SOBP: variants seen among roughly 807,000 people sequenced by gnomAD.
SOBP encodes sine oculis binding protein homolog.
A neutral mutation model predicts 53.6 loss-of-function variants in SOBP; 4 were observed. The observed-to-expected ratio is 0.07, with a 90% CI of 0.04 to 0.17. SOBP has a LOEUF of 0.17. Among genes scored for constraint, SOBP ranks in the 10% least tolerant of loss-of-function variants. The pLI, the probability that SOBP is intolerant of heterozygous loss-of-function variation, is 1.00. For missense variants in SOBP, 1,088 were observed against 1,204.7 expected (o/e 0.90, Z 1.43); for synonymous variants, 584 against 522.6 (o/e 1.12, Z -1.60).
intron 6 of SOBP, among the ~76,000 whole-genome samples, chr6:107,637,093 G>A (rs1771079587): frequency 6.6e-6 from 1 of 152,118 alleles, no homozygotes. Context: ...TGTCATAGGG[G>A]AAAGTTTCTT....
intron 1 of SOBP, among the ~76,000 whole-genome samples, chr6:107,500,396 GA>G (rs1180056118): frequency 6.6e-6 from 1 of 150,552 alleles, no homozygotes; most frequent in Non-Finnish European, 1.5e-5. Flanking sequence ...AAAAAAAAAG[GA>G]AAAGGAAAAA....
intron 5 of SOBP, among the ~76,000 whole-genome samples, chr6:107,625,405 C>T (rs927877365): frequency 1.3e-5 from 2 of 152,178 alleles, no homozygotes; most frequent in Non-Finnish European, 2.9e-5. Flanking sequence ...AAGTAAAGCC[C>T]ATAGCCAGGT....
At chr6:107,557,874 C>T (rs772981854) in intron 4 of SOBP, 1 of 152,160 alleles carries the variant, frequency 6.6e-6, no homozygotes, top group Non-Finnish European at 1.5e-5. Flanking sequence ...TTTTCCCATT[C>T]TACCAAGGAG....
chr6:107,635,372 G>T lies in SOBP; in HGVS notation c.2528G>T (p.Cys843Phe), dbSNP rs1294093411. 1.2e-6 allele frequency: 2 copies of T among 1,613,568 alleles called. No homozygotes were observed. Among genetic ancestry groups the T allele is most frequent in the South Asian group, 2.2e-5 (2 of 91,080 alleles). The change falls in exon 6 of 7, where the codon TGC (cysteine) becomes TTC (phenylalanine). Residue 843 changes from cysteine to phenylalanine, a missense_variant. Transcript: ENST00000317357. This position sits in a 1 kb window ranked among gnomAD's most constrained non-coding sequence, Gnocchi z 4.5. ...GCGGAGAAGGCTGCCATGGCACCGT[G>T]CATCATCTCCTCGCCCATGCTCAGC... ...KPAEKAAMAPCIISSPMLSAG... is the reference protein window; with the variant it reads ...KPAEKAAMAPFIISSPMLSAG...
intron 4 of SOBP, among the ~76,000 whole-genome samples, chr6:107,535,808 G>A (rs1193124823): frequency 6.6e-6 from 1 of 151,896 alleles, no homozygotes; most frequent in Non-Finnish European, 1.5e-5. Context: ...TTCATTTAGG[G>A]CTTGGGTTTC....
intron 5 of SOBP, among the ~76,000 whole-genome samples, chr6:107,594,921 C>T (rs1785890046): frequency 6.6e-6 from 1 of 152,240 alleles, no homozygotes; most frequent in Non-Finnish European, 1.5e-5. Context: ...TGACCACACA[C>T]CCATGCTTGT....
chr6:107,600,694 T>C (rs1786146752), intron 5 of SOBP, among the ~76,000 whole-genome samples: 1 of 152,186 alleles, frequency 6.6e-6, no homozygotes, highest in Non-Finnish European at 1.5e-5. Flanking sequence ...GCCATAATCA[T>C]CAGCTCTTTG....
intron 5 of SOBP, among the ~76,000 whole-genome samples, chr6:107,619,334 A>G (rs1483848928): frequency 6.6e-6 from 1 of 152,252 alleles, no homozygotes; most frequent in Non-Finnish European, 1.5e-5. Context: ...TAAAAATAAA[A>G]GAGTTCTGTT....
At chr6:107,509,472 C>A (rs1483759646) in intron 3 of SOBP, among the ~76,000 whole-genome samples, 4 of 151,674 alleles carry the variant, frequency 2.6e-5, no homozygotes, top group African/African-American at 9.7e-5. Flanking sequence ...CAAAACCAGA[C>A]CTTTTTTCTT....
intron 4 of SOBP, among the ~76,000 whole-genome samples, chr6:107,561,452 A>G (rs1784768446): frequency 2.0e-5 from 3 of 152,184 alleles, no homozygotes; most frequent in Admixed American, 2.0e-4. Flanking sequence ...GTGCTTGCAT[A>G]GATGGTTCCA....
chr6:107,503,426 CTTA>C (rs1782894951), intron 1 of SOBP, among the ~76,000 whole-genome samples: 2 of 151,910 alleles, frequency 1.3e-5, no homozygotes, highest in African/African-American at 4.8e-5. Context: ...TCTTTTTTGT[CTTA>C]TTATCTTTAA....
intron 5 of SOBP, among the ~76,000 whole-genome samples, chr6:107,612,594 T>A (rs1786639381): frequency 6.6e-6 from 1 of 152,192 alleles, no homozygotes. Context: ...AATTTTTTTT[T>A]AATGTTGTAG....
chr6:107,627,719 G>A (rs1444757574), intron 5 of SOBP, among the ~76,000 whole-genome samples: 7 of 152,188 alleles, frequency 4.6e-5, no homozygotes, highest in Non-Finnish European at 1.0e-4. Flanking sequence ...CCTGCAGAAA[G>A]TTTCTTGTTT....
At chr6:107,642,391 C>G (rs1317302022) in intron 6 of SOBP, among the ~76,000 whole-genome samples, 1 of 152,132 alleles carries the variant, frequency 6.6e-6, no homozygotes, top group African/African-American at 2.4e-5. Flanking sequence ...ATGACAATAA[C>G]AAAAACTTGG....
rs191721613 is a variant in SOBP at position 107,598,036 on chromosome 6, G to A, written c.669+10861G>A. Among the ~76,000 whole-genome samples, 331 of 151,842 alleles carry A rather than the reference G, an allele frequency of 2.2e-3. 1 individual carries two copies. The highest frequency in any genetic ancestry group is 6.8e-3 in the African/African-American group (282 of 41,532). The stretch of plus-strand genomic sequence containing the variant: ...TTTTTAAGACATTTGTCTTTCAATC[G>A]ACATGCATTTATTAGGTACCTGCTG... On this transcript the variant is annotated intron_variant, in intron 5 of 6. Transcript: ENST00000317357.
intron 1 of SOBP, among the ~76,000 whole-genome samples, chr6:107,497,494 A>C (rs1164741879): frequency 1.3e-5 from 2 of 152,160 alleles, no homozygotes; most frequent in Admixed American, 6.5e-5. Context: ...AAGAGTAGGC[A>C]ATAAAAATAA....
chr6:107,490,484 C>G lies in SOBP; in HGVS notation c.-133C>G, dbSNP rs1274121150. The G allele has an allele frequency of 7.4e-6, 5 of 673,360 alleles. No individual in the cohort carries two copies. The highest frequency in any genetic ancestry group is 1.8e-5 in the African/African-American group (1 of 55,060). The allele number at this position is 673,360 out of a possible 1,614,324, so 41.7% of individuals were successfully genotyped here. A position where few individuals can be genotyped will look rare whatever the true frequency, so the allele number is the denominator to read the frequency against. On this transcript the variant is annotated 5_prime_UTR_variant, in exon 1 of 7. Transcript: ENST00000317357. ...CTGCCCTCCCCCTCGCGGCTCGGTCCGGCCCCGCCAGCACCGCTACCTCCG... is the reference window on the plus strand; with the variant it reads ...CTGCCCTCCCCCTCGCGGCTCGGTCGGGCCCCGCCAGCACCGCTACCTCCG...
At chr6:107,518,674 T>C (rs1011591739) in intron 3 of SOBP, among the ~76,000 whole-genome samples, 4 of 151,726 alleles carry the variant, frequency 2.6e-5, no homozygotes, top group Non-Finnish European at 5.9e-5. Context: ...TAGATGGGCT[T>C]AGGTGGGTAA....
chr6:107,635,407 G>A lies in SOBP; in HGVS notation c.2563G>A (p.Glu855Lys), dbSNP rs749405111. ...ISSPMLSAGP[E>K]DLEPPLKRRC... ...CTCGCCCATGCTCAGCGCCGGGCCT[G>A]AGGACCTGGAGCCGCCGCTCAAAAG... The change falls in exon 6 of 7, where the codon GAG becomes AAG. Residue 855 changes from glutamate to lysine, a missense_variant. This residue lies in a region of SOBP where 665 missense variants were observed against 629.7 expected (regional missense o/e 1.06). Coordinates refer to ENST00000317357, the MANE Select transcript of SOBP (RefSeq NM_018013.4). This position sits in a 1 kb window ranked among gnomAD's most constrained non-coding sequence, Gnocchi z 4.5. The A allele has an allele frequency of 1.9e-6, 3 of 1,613,416 alleles. No individual in the cohort carries two copies. In the Admixed American group the frequency reaches 5.0e-5, roughly 27 times the overall value.
Sources: allele counts gnomAD v4.1 joint callset (sites outside exome capture counted in the v4.1 genomes callset), GRCh38; gene constraint gnomAD v4.1.1; regional missense constraint gnomAD v4.1.1; non-coding constraint Gnocchi (gnomAD v3.1); transcripts MANE v1.5; gene names NCBI Gene and HGNC (gene_info 2026-07-23, HGNC 2026-07-21).